Variants in RTL1 observed in about 807,000 individuals in gnomAD.
RTL1 encodes retrotransposon-like protein 1.
For synonymous variants in RTL1, 727 were observed against 748.4 expected, an observed-to-expected ratio of 0.97 and a Z score of 0.47; for missense variants, 1,681 against 1,767.5, an observed-to-expected ratio of 0.95 and a Z score of 0.88.
intron 3 of RTL1, among the ~76,000 whole-genome samples, chr14:100,885,263 C>G (rs1298244326): frequency 6.6e-6 from 1 of 152,238 alleles, no homozygotes; most frequent in South Asian, 2.1e-4. Context: ...CTGCTTTGGT[C>G]ACCTGAGAAT....
At position 100,884,491 on chromosome 14, in the gene RTL1, C is replaced by T. The variant is rs752220020; in HGVS notation, c.298G>A (p.Glu100Lys). 1.2e-6 allele frequency: 2 copies of T among 1,614,222 alleles called. No individual in the cohort carries two copies. Among genetic ancestry groups the T allele is most frequent in the South Asian group, 2.2e-5 (2 of 91,082 alleles). ...TGGTGTGAACCGTTGCATGACTCCT[C>T]CAGGTCTTGGAGTAGGTCATTGGGT... is the stretch of plus-strand genomic sequence containing the variant. ...DPPNDLLQDL[E>K]ESCNGSHQAR... is the part of the protein sequence containing the mutation. Residue 100 changes from glutamate to lysine, a missense_variant, in exon 4 of 4, where the codon GAG becomes AAG. Glu to Lys is a moderately conservative substitution (Grantham distance 56). Coordinates refer to ENST00000649591, the MANE Select transcript of RTL1 (RefSeq NM_001134888.3).
In RTL1 at chr14:100,882,134, G is replaced by C. The variant is rs1283966550; in HGVS notation, c.2655C>G (p.Ala885=). Residue 885 remains alanine (A), a synonymous_variant, in exon 4 of 4, where the codon GCC becomes GCG. Transcript: ENST00000649591. ...CGATTTGGATCAGGGAGGCGTGCAGGGCCGTGCCGGTGACGCCGGTTTCCA... is the reference window on the plus strand; with the variant it reads ...CGATTTGGATCAGGGAGGCGTGCAGCGCCGTGCCGGTGACGCCGGTTTCCA... ...FYLETGVTGT[A]LHASLIQIDD... is the part of the protein sequence containing the mutation. 1.9e-5 allele frequency: 29 copies of C among 1,553,760 alleles called. No individual in the cohort carries two copies. Among genetic ancestry groups the C allele is most frequent in the Non-Finnish European group, 2.4e-5 (28 of 1,148,498 alleles).
Position 100,892,469 on chromosome 14 carries a change from T to A in RTL1, c.-87+975A>T, listed in dbSNP as rs149444248. 1.1e-4 allele frequency among the ~76,000 whole-genome samples: 16 copies of A among 152,344 alleles called. No homozygotes were observed. In the East Asian group the frequency reaches 3.1e-3, roughly 29 times the overall value. On this transcript the variant is annotated intron_variant, in intron 3 of 3. Coordinates refer to ENST00000649591, the MANE Select transcript of RTL1 (RefSeq NM_001134888.3). ...ATGCTATGGACAAGTCAGGGATAGC[T>A]ACCGTCATTAGGATTCTTACGACTG...
intron 2 of RTL1, among the ~76,000 whole-genome samples, chr14:100,895,622 G>A (rs1292260831): frequency 6.6e-6 from 1 of 152,056 alleles, no homozygotes; most frequent in Non-Finnish European, 1.5e-5. Context: ...GGTTGCAGAG[G>A]GCATTTTCTT....
Position 100,883,260 on chromosome 14 carries a change from C to A in RTL1, c.1529G>T (p.Arg510Leu). The part of the protein sequence containing the change: ...FSVVLGIRWL[R>L]VHAPEVDWIK... ...CCAGTCGACTTCGGGGGCGTGGACT[C>A]GGAGCCAGCGGATGCCTAGGACCAC... Residue 510 changes from arginine (R) to leucine (L), a missense_variant, in exon 4 of 4, where the codon CGA becomes CTA. Coordinates refer to ENST00000649591, the MANE Select transcript of RTL1 (RefSeq NM_001134888.3). The surrounding 1 kb of genome is among the most constrained non-coding windows in gnomAD (Gnocchi z 5.9). 5 of 1,551,178 alleles carry A rather than the reference C, an allele frequency of 3.2e-6. No homozygotes were observed. The highest frequency in any genetic ancestry group is 4.4e-6 in the Non-Finnish European group (5 of 1,146,726).
chr14:100,883,002 T>C lies in RTL1; in HGVS notation c.1787A>G (p.Gln596Arg). The change falls in exon 4 of 4, where the codon CAG (glutamine) becomes CGG (arginine). Residue 596 changes from glutamine to arginine, a missense_variant. By Grantham distance (43) the Gln-to-Arg change is conservative (BLOSUM62 1). Transcript: ENST00000649591. This position sits in a 1 kb window ranked among gnomAD's most constrained non-coding sequence, Gnocchi z 5.9. ...GCTGTGATCACTGTCTCCAGCCTGC[T>C]GAAGCTCAGAGGGCTCTGATTCAGA... ...DLSESEPSEL[Q>R]QAGDSDHSET... is the part of the protein sequence containing the mutation. 1 of 1,614,186 alleles carries C rather than the reference T, an allele frequency of 6.2e-7. No homozygotes were observed. The highest frequency in any genetic ancestry group is 8.5e-7 in the Non-Finnish European group (1 of 1,180,042).
chr14:100,889,924 G>A (rs2038746371), intron 3 of RTL1, among the ~76,000 whole-genome samples: 2 of 152,142 alleles, frequency 1.3e-5, no homozygotes, highest in African/African-American at 2.4e-5. Flanking sequence ...CTACCAGCTG[G>A]CCTGCCATAG....
rs1447034680 is a variant in RTL1 at position 100,880,690 on chromosome 14, T to C, written c.*22A>G. The stretch of plus-strand genomic sequence containing the variant: ...GGGGTGAGAAATAGAGGGGACTCTT[T>C]GCTGGAGACAGGGAGGCGTCTTCAG... On this transcript the variant is annotated 3_prime_UTR_variant, in exon 4 of 4. Coordinates refer to ENST00000649591, the MANE Select transcript of RTL1 (RefSeq NM_001134888.3). The C allele has an allele frequency of 6.5e-7, 1 of 1,545,816 alleles. No individual in the cohort carries two copies. Among genetic ancestry groups the C allele is most frequent in the Admixed American group, 2.0e-5 (1 of 50,568 alleles).
At chr14:100,896,070 CAA>C (rs10638500) in intron 2 of RTL1, among the ~76,000 whole-genome samples, 18 of 120,140 alleles carry the variant, frequency 1.5e-4, no homozygotes, top group Admixed American at 4.3e-4. Context: ...GACTCCGTCT[CAA>C]AAAAAAAAAA....
chr14:100,879,933 C>G lies in RTL1; in HGVS notation c.*779G>C, dbSNP rs1340179534. 6.6e-6 allele frequency among the ~76,000 whole-genome samples: 1 copy of G among 151,930 alleles called. No individual in the cohort carries two copies. The highest frequency in any genetic ancestry group is 1.5e-5 in the Non-Finnish European group (1 of 67,980). On this transcript the variant is annotated 3_prime_UTR_variant, in exon 4 of 4. Transcript: ENST00000649591. ...GACTCCATCCCTGTATGAGGGGCCCCTGCACCCCTGCACTGTCCAGTGTTC... is the reference window on the plus strand; with the variant it reads ...GACTCCATCCCTGTATGAGGGGCCCGTGCACCCCTGCACTGTCCAGTGTTC...
Position 100,884,673 on chromosome 14 carries a change from C to T in RTL1, c.116G>A (p.Ser39Asn). ...SSNTTEATSG[S>N]GVRGEAGPAS... ...TGGCCCTGCCTCTCCCCGCACTCCA[C>T]TGCCCGACGTCGCCTCGGTGGTGTT... Residue 39 changes from serine to asparagine, a missense_variant, in exon 4 of 4, where the codon AGT becomes AAT. Physicochemically the swap from Ser to Asn is conservative, Grantham distance 46 (BLOSUM62 1). Coordinates refer to ENST00000649591, the MANE Select transcript of RTL1 (RefSeq NM_001134888.3). 6.2e-7 allele frequency: 1 copy of T among 1,613,794 alleles called. No individual in the cohort carries two copies. The highest frequency in any genetic ancestry group is 8.5e-7 in the Non-Finnish European group (1 of 1,180,010).
Position 100,882,001 on chromosome 14 carries a change from C to T in RTL1, c.2788G>A (p.Ala930Thr), listed in dbSNP as rs1200082419. The change falls in exon 4 of 4, where the codon GCC (alanine) becomes ACC (threonine). Residue 930 changes from alanine to threonine, a missense_variant. Coordinates refer to ENST00000649591, the MANE Select transcript of RTL1 (RefSeq NM_001134888.3). ...AEMKILPIRA[A>T]FMVWCRYLEN... ...AGGTAGCGGCACCACACCATGAAGG[C>T]AGCCCGTATTGGAAGAATCTTCATC... The T allele has an allele frequency of 1.2e-6, 2 of 1,613,492 alleles. No homozygotes were observed. Among genetic ancestry groups the T allele is most frequent in the Admixed American group, 1.7e-5 (1 of 59,982 alleles).
chr14:100,896,359 T>C (rs2038856154), intron 2 of RTL1, among the ~76,000 whole-genome samples: 1 of 152,108 alleles, frequency 6.6e-6, no homozygotes, highest in African/African-American at 2.4e-5. Context: ...ATTTAACCAA[T>C]TAACCAATTA....
chr14:100,899,929 C>A (rs1330783948), intron 2 of RTL1, among the ~76,000 whole-genome samples: 1 of 152,172 alleles, frequency 6.6e-6, no homozygotes, highest in Non-Finnish European at 1.5e-5. Context: ...CAGAGGACAA[C>A]ACAAATGCCA....
intron 2 of RTL1, chr14:100,895,126 G>C (rs572384480): frequency 1.3e-5 from 2 of 152,394 alleles, no homozygotes; most frequent in Admixed American, 1.3e-4. Context: ...CCTTAACACA[G>C]TGTGTTATCC....
chr14:100,900,885 A>G (rs2038932333), intron 2 of RTL1, among the ~76,000 whole-genome samples: 1 of 152,136 alleles, frequency 6.6e-6, no homozygotes, highest in African/African-American at 2.4e-5. Flanking sequence ...CTTCAAATCA[A>G]CCTTTTAATA....
chr14:100,883,622 C>A lies in RTL1; in HGVS notation c.1167G>T (p.Arg389Ser). The part of the protein sequence containing the change: ...LTWIDSPAPE[R>S]WMVSSWLPSE... ...TGGGCAACCAGCTGCTGACCATCCA[C>A]CTCTCTGGAGCAGGTGAGTCGATCC... Residue 389 changes from arginine (R) to serine (S), a missense_variant, in exon 4 of 4, where the codon AGG (arginine) becomes AGT (serine). Physicochemically the swap from Arg to Ser is moderately radical, Grantham distance 110 (BLOSUM62 -1). Coordinates refer to ENST00000649591, the MANE Select transcript of RTL1 (RefSeq NM_001134888.3). The surrounding 1 kb of genome is among the most constrained non-coding windows in gnomAD (Gnocchi z 5.9). 1.3e-6 allele frequency: 2 copies of A among 1,551,374 alleles called. No homozygotes were observed. The highest frequency in any genetic ancestry group is 1.7e-6 in the Non-Finnish European group (2 of 1,146,950).
chr14:100,881,095 A>G lies in RTL1; in HGVS notation c.3694T>C (p.Leu1232=), dbSNP rs1460055213. The change falls in exon 4 of 4, where the codon TTG becomes CTG. Residue 1232 remains leucine (L), a synonymous_variant. Coordinates refer to ENST00000649591, the MANE Select transcript of RTL1 (RefSeq NM_001134888.3). This position sits in a 1 kb window ranked among gnomAD's most constrained non-coding sequence, Gnocchi z 6.6. The part of the protein sequence containing the change: ...LHVVGDEDVV[L]REALQDDLQR... The stretch of plus-strand genomic sequence containing the variant: ...AGGTCGTCTTGCAGGGCTTCTCGCA[A>G]GACGACATCCTCATCACCAACGACG... 1 of 1,593,512 alleles carries G rather than the reference A, an allele frequency of 6.3e-7. No individual in the cohort carries two copies. The highest frequency in any genetic ancestry group is 8.5e-7 in the Non-Finnish European group (1 of 1,169,966).
At chr14:100,892,549 T>C (rs1415674706) in intron 3 of RTL1, among the ~76,000 whole-genome samples, 2 of 152,246 alleles carry the variant, frequency 1.3e-5, no homozygotes, top group Non-Finnish European at 2.9e-5. Flanking sequence ...CAGCATTTCA[T>C]GCATGGTGTC....
Sources: gnomAD v4.1 joint callset for allele counts (sites outside exome capture counted in the v4.1 genomes callset) on GRCh38, gnomAD v4.1.1 for gene constraint, Gnocchi (gnomAD v3.1) non-coding constraint, MANE v1.5 for transcripts, NCBI Gene and HGNC (gene_info 2026-07-23, HGNC 2026-07-21) for gene names.